WBP2NL: variants seen among roughly 807,000 people sequenced by gnomAD.
The protein encoded by WBP2NL is WBP2 N-terminal like.
In WBP2NL, 27 loss-of-function variants were observed where a neutral mutation model predicts 23.3. The observed-to-expected ratio is 1.16, with a 90% CI of 0.85 to 1.60. The LOEUF (loss-of-function observed/expected upper bound fraction) is 1.60, where lower values mean the gene tolerates loss of function less well. Ranked by LOEUF, WBP2NL falls within the 40% of genes most tolerant of loss-of-function variation. WBP2NL has a pLI of 0.00. For missense variants in WBP2NL, 370 were observed against 389.5 expected (o/e 0.95, Z 0.42); for synonymous variants, 151 against 145.9 (o/e 1.03, Z -0.25).
chr22:42,024,783 T>C (rs1045771680), intron 5 of WBP2NL, among the ~76,000 whole-genome samples: 2 of 150,894 alleles, frequency 1.3e-5, no homozygotes, highest in Admixed American at 1.3e-4. Context: ...TTAGGTTTTC[T>C]TTCACATTCT....
chr22:42,028,274 A>T lies in WBP2NL; in HGVS notation c.*1093A>T, dbSNP rs1379233957. On this transcript the variant is annotated 3_prime_UTR_variant, in exon 6 of 6. Coordinates refer to ENST00000328823, the MANE Select transcript of WBP2NL (RefSeq NM_152613.3). Reference sequence around the variant, plus strand: ...ATATACTATAGTGATTTTCAGCCTCATCAGACTGAATGCCCCATTTTATAA... The same window carrying T: ...ATATACTATAGTGATTTTCAGCCTCTTCAGACTGAATGCCCCATTTTATAA... 2.5e-6 allele frequency: 1 copy of T among 393,406 alleles called. No homozygotes were observed. The highest frequency in any genetic ancestry group is 4.4e-5 in the Admixed American group (1 of 22,646). The allele number at this position is 393,406 out of a possible 1,614,324, so 24.4% of individuals were successfully genotyped here.
At chr22:42,054,085 C>T (rs952555430) in intron 8 of WBP2NL, among the ~76,000 whole-genome samples, 1 of 152,152 alleles carries the variant, frequency 6.6e-6, no homozygotes, top group African/African-American at 2.4e-5. Context: ...TGCGACTGTG[C>T]GGGGCCTCTT....
chr22:42,054,920 G>A (rs1226119508), intron 8 of WBP2NL, among the ~76,000 whole-genome samples: 3 of 152,122 alleles, frequency 2.0e-5, no homozygotes, highest in South Asian at 2.1e-4. Context: ...AGCTATAGAT[G>A]TATGGGTTTA....
chr22:42,034,733 C>T (rs975923531), downstream of WBP2NL, among the ~76,000 whole-genome samples: 1 of 152,178 alleles, frequency 6.6e-6, no homozygotes, highest in Non-Finnish European at 1.5e-5. Context: ...AGTTCAGAGA[C>T]CTACCCCTAG....
At chr22:42,000,732 G>A (rs1921552904) in intron 1 of WBP2NL, among the ~76,000 whole-genome samples, 1 of 149,870 alleles carries the variant, frequency 6.7e-6, no homozygotes, top group Non-Finnish European at 1.5e-5. Context: ...TTCAGGAGCA[G>A]CCTGGCCAAT....
At chr22:42,015,561 C>T (rs1238724510) in intron 1 of WBP2NL, among the ~76,000 whole-genome samples, 2 of 152,044 alleles carry the variant, frequency 1.3e-5, no homozygotes, top group East Asian at 1.9e-4. Flanking sequence ...CACCACTACG[C>T]CCAGCTAATT....
At chr22:42,057,587 G>A (rs541652022) in intron 8 of WBP2NL, among the ~76,000 whole-genome samples, 31 of 150,152 alleles carry the variant, frequency 2.1e-4, no homozygotes, top group African/African-American at 6.6e-4. Flanking sequence ...CTGGGTTGCC[G>A]CAAGCTTTTG....
chr22:42,051,512 A>C (rs1925837325), intron 8 of WBP2NL, among the ~76,000 whole-genome samples: 1 of 152,204 alleles, frequency 6.6e-6, no homozygotes, highest in South Asian at 2.1e-4. Flanking sequence ...TAAATTATGA[A>C]CGTTTGCTAA....
Position 42,001,875 on chromosome 22 carries a change from C to T in WBP2NL, c.62+2995C>T, listed in dbSNP as rs56125239. Reference sequence around the variant, plus strand: ...CTGCACCTGTAGCAGCAGCTTGACCCGCTCGATGGGTGCTACCGCCATCTT... The same window carrying T: ...CTGCACCTGTAGCAGCAGCTTGACCTGCTCGATGGGTGCTACCGCCATCTT... On this transcript the variant is annotated intron_variant, in intron 1 of 5. Coordinates refer to ENST00000328823, the MANE Select transcript of WBP2NL (RefSeq NM_152613.3). 9.3e-4 allele frequency: 1,354 copies of T among 1,457,066 alleles called. 9 individuals are homozygous for T. The African/African-American group carries it at 0.017, about 18-fold the overall frequency. The allele number at this position is 1,457,066 out of a possible 1,614,324, so 90.3% of individuals were successfully genotyped here. A position where few individuals can be genotyped will look rare whatever the true frequency, so the allele number is the denominator to read the frequency against.
At chr22:42,043,257 G>T (rs1430465231) in intron 8 of WBP2NL, among the ~76,000 whole-genome samples, 1 of 152,164 alleles carries the variant, frequency 6.6e-6, no homozygotes, top group Non-Finnish European at 1.5e-5. Context: ...GTCAGCAACT[G>T]TGTGGTCCTT....
At chr22:42,024,294 A>G (rs1406250457) in intron 5 of WBP2NL, among the ~76,000 whole-genome samples, 1 of 152,192 alleles carries the variant, frequency 6.6e-6, no homozygotes, top group African/African-American at 2.4e-5. Flanking sequence ...ACTAGCTGCT[A>G]TGAGCATTTG....
chr22:42,007,816 G>T (rs1293132878), intron 1 of WBP2NL, among the ~76,000 whole-genome samples: 1 of 150,514 alleles, frequency 6.6e-6, no homozygotes, highest in Non-Finnish European at 1.5e-5. Flanking sequence ...GGACATTTAG[G>T]TTGCTTCCAC....
chr22:42,040,711 G>A (rs80342596), intron 8 of WBP2NL, among the ~76,000 whole-genome samples: 3,593 of 152,190 alleles, frequency 0.024, 136 homozygotes, highest in African/African-American at 0.082. Flanking sequence ...ATGAATTTGT[G>A]AATTTTTCTA....
chr22:42,052,377 C>G (rs1925867287), intron 8 of WBP2NL, among the ~76,000 whole-genome samples: 1 of 152,046 alleles, frequency 6.6e-6, no homozygotes, highest in African/African-American at 2.4e-5. Context: ...CCACCTGGTT[C>G]CAGCGATTCT....
At chr22:42,000,716 C>G (rs536159941) in intron 1 of WBP2NL, among the ~76,000 whole-genome samples, 2 of 148,136 alleles carry the variant, frequency 1.4e-5, no homozygotes, top group Non-Finnish European at 3.0e-5. Flanking sequence ...ATCACAAGAT[C>G]GGGAGTTCAG....
intron 8 of WBP2NL, among the ~76,000 whole-genome samples, chr22:42,055,762 T>C (rs76120052): frequency 0.02 from 3,008 of 152,330 alleles, 44 homozygotes; most frequent in Non-Finnish European, 0.032. Context: ...TTTTGGTGGA[T>C]TGATCTTCTC....
chr22:42,028,817 A>G (rs192661539), downstream of WBP2NL, among the ~76,000 whole-genome samples: 280 of 152,398 alleles, frequency 1.8e-3, no homozygotes, highest in African/African-American at 6.5e-3. Context: ...CTTCACCTAC[A>G]TCACTGGCTG....
intron 8 of WBP2NL, among the ~76,000 whole-genome samples, chr22:42,051,320 C>G (rs898840265): frequency 6.6e-6 from 1 of 151,832 alleles, no homozygotes; most frequent in Non-Finnish European, 1.5e-5. Flanking sequence ...GTGAAAAGAT[C>G]AGTGATGGCC....
At chr22:42,056,697 C>T (rs1926045259) in intron 8 of WBP2NL, among the ~76,000 whole-genome samples, 1 of 151,592 alleles carries the variant, frequency 6.6e-6, no homozygotes, top group Non-Finnish European at 1.5e-5. Context: ...AACCCACTGC[C>T]TTTTTTTTCA....
Sources: gnomAD v4.1 joint callset for allele counts (sites outside exome capture counted in the v4.1 genomes callset) on GRCh38, gnomAD v4.1.1 for gene constraint, MANE v1.5 for transcripts, NCBI Gene and HGNC (gene_info 2026-07-23, HGNC 2026-07-21) for gene names.